Variants in TMEM130 observed in about 807,000 individuals in gnomAD.
TMEM130 encodes the protein transmembrane protein 130.
TMEM130 carries 37 observed loss-of-function variants against 42.9 expected under a neutral mutation model. The observed-to-expected ratio is 0.86, with a 90% CI of 0.66 to 1.13. TMEM130 has a LOEUF of 1.13. Ranked by LOEUF, TMEM130 falls within the 50% of genes most tolerant of loss-of-function variation. The pLI is 0.00. For missense variants in TMEM130, 545 were observed against 562.6 expected (o/e 0.97, Z 0.32); for synonymous variants, 259 against 237.7 (o/e 1.09, Z -0.82).
chr7:98,865,924 TC>T, intron 1 of TMEM130: 4 of 171,934 alleles, frequency 2.3e-5, no homozygotes, highest in South Asian at 2.6e-4. Context: ...GGGCACAAGG[TC>T]CCCCCACAAG....
chr7:98,852,843 C>T (rs1794542235), intron 5 of TMEM130, among the ~76,000 whole-genome samples: 1 of 152,162 alleles, frequency 6.6e-6, no homozygotes, highest in South Asian at 2.1e-4. Context: ...GTGATCCACC[C>T]ACCTCAGCCT....
rs1794732587 is a variant in TMEM130 at position 98,860,190 on chromosome 7, G to A, written c.540C>T (p.Asp180=). The A allele has an allele frequency of 6.2e-7, 1 of 1,613,276 alleles. No individual in the cohort carries two copies. The highest frequency in any genetic ancestry group is 2.2e-5 in the East Asian group (1 of 44,886). Residue 180 remains aspartate, a synonymous_variant, in exon 3 of 8, where the codon GAC becomes GAT. Transcript: ENST00000339375. ...LKTALFLYSW[D]FGDGTQMVTE... is the part of the protein sequence containing the mutation. ...GGGTAAGGACCTACCCGTCCCCGAA[G>A]TCCCAGCTGTAGAGAAACAAGGCGG...
chr7:98,854,971 G>T (rs1554398708), intron 5 of TMEM130, among the ~76,000 whole-genome samples: 1 of 152,216 alleles, frequency 6.6e-6, no homozygotes, highest in Non-Finnish European at 1.5e-5. Flanking sequence ...GGGAGGCAGA[G>T]GTCGCAGTGA....
Position 98,850,273 on chromosome 7 carries a change from A to ATT in TMEM130, c.1006+1146_1006+1147dup, listed in dbSNP as rs1554398023. On this transcript the variant is annotated intron_variant, in intron 6 of 7. Transcript: ENST00000339375. Reference sequence around the variant, plus strand: ...CTCATATATATATATATATATATATATTTTTTTTTTTTTTTAATTTTTTGA... The same window carrying ATT: ...CTCATATATATATATATATATATATATTTTTTTTTTTTTTTTTAATTTTTTGA... Among the ~76,000 whole-genome samples, 43 of 35,464 alleles carry ATT rather than the reference A, an allele frequency of 1.2e-3. 3 individuals carry two copies. Among genetic ancestry groups the ATT allele is most frequent in the African/African-American group, 2.8e-3 (37 of 13,118 alleles). The allele number at this position is 35,464 out of a possible 152,430, so 23.3% of individuals were successfully genotyped here. A position where few individuals can be genotyped will look rare whatever the true frequency, so the allele number is the denominator to read the frequency against.
chr7:98,848,941 A>T lies in TMEM130; in HGVS notation c.1007-246T>A, dbSNP rs556414967. Among the ~76,000 whole-genome samples, 69 of 152,290 alleles carry T rather than the reference A, an allele frequency of 4.5e-4. 1 individual carries two copies. The highest frequency in any genetic ancestry group is 4.1e-4 in the Non-Finnish European group (28 of 68,018). On this transcript the variant is annotated intron_variant, in intron 6 of 7. Transcript: ENST00000339375. Reference sequence around the variant, plus strand: ...AAGTTACTTGGTAGCAACTTCCAAGAGGGGCAGCTAAATTCCTCACACCTT... The same window carrying T: ...AAGTTACTTGGTAGCAACTTCCAAGTGGGGCAGCTAAATTCCTCACACCTT...
At chr7:98,867,599 G>A (rs536751931) in intron 1 of TMEM130, among the ~76,000 whole-genome samples, 65 of 152,252 alleles carry the variant, frequency 4.3e-4, no homozygotes, top group African/African-American at 1.1e-3. Context: ...CACGCAGATC[G>A]GTTGCCAGGG....
At chr7:98,860,113 G>T in intron 3 of TMEM130, 66 bp downstream of exon 3, 2 of 1,483,278 alleles carry the variant, frequency 1.3e-6, no homozygotes, top group Non-Finnish European at 1.8e-6. Flanking sequence ...GGAGTACCCT[G>T]CACAGTGCGC....
At chr7:98,865,387 C>T (rs1345018473) in intron 1 of TMEM130, among the ~76,000 whole-genome samples, 1 of 152,180 alleles carries the variant, frequency 6.6e-6, no homozygotes, top group Non-Finnish European at 1.5e-5. Context: ...GCGGGCGGAT[C>T]ACCTGAGGTC....
chr7:98,856,004 CCTGGA>C lies in TMEM130; in HGVS notation c.718+8_718+12del. 6.2e-7 allele frequency: 1 copy of C among 1,610,812 alleles called. No homozygotes were observed. The highest frequency in any genetic ancestry group is 1.3e-5 in the African/African-American group (1 of 75,048). Reference sequence around the variant, plus strand: ...GGAACGCCCAGACTGCATCAGCCTGCCTGGACACCCACCCTGCAGCTTCAGCGAGG... The same window carrying C: ...GGAACGCCCAGACTGCATCAGCCTGCCACCCACCCTGCAGCTTCAGCGAGG... On this transcript the variant is annotated splice_region_variant and intron_variant, in intron 4 of 7. Coordinates refer to ENST00000339375, the MANE Select transcript of TMEM130 (RefSeq NM_152913.3).
At chr7:98,862,339 G>A (rs1006244730) in intron 2 of TMEM130, among the ~76,000 whole-genome samples, 73 of 150,912 alleles carry the variant, frequency 4.8e-4, no homozygotes, top group South Asian at 4.2e-4. Flanking sequence ...AAGATAGAAA[G>A]GGAAAACAGA....
intron 5 of TMEM130, 60 bp from the exon 6 acceptor site, chr7:98,851,683 C>T: frequency 6.8e-7 from 1 of 1,476,074 alleles, no homozygotes; most frequent in Non-Finnish European, 9.1e-7. Flanking sequence ...CAGCACAGAC[C>T]AAGTCCAAGA....
chr7:98,863,676 C>T (rs1794840839), intron 1 of TMEM130, among the ~76,000 whole-genome samples: 1 of 146,238 alleles, frequency 6.8e-6, no homozygotes, highest in Non-Finnish European at 1.5e-5. Context: ...TCCCTCCTTC[C>T]TTCCTCCTTC....
intron 4 of TMEM130, 44 bp downstream of exon 4, chr7:98,855,973 C>T (rs782779579): frequency 1.9e-6 from 3 of 1,598,512 alleles, no homozygotes; most frequent in Non-Finnish European, 2.6e-6. Flanking sequence ...ACGGTGACCC[C>T]ACTCTGGAAC....
chr7:98,855,447 A>G (rs1248761858), intron 4 of TMEM130, 123 bp from the exon 5 acceptor site: 7 of 862,774 alleles, frequency 8.1e-6, no homozygotes, highest in Non-Finnish European at 1.2e-5. Flanking sequence ...AGAGCAGGCC[A>G]CAGGTCTGTG....
chr7:98,848,732 G>A, intron 6 of TMEM130, 37 bp from the exon 7 acceptor site: 1 of 1,366,332 alleles, frequency 7.3e-7, no homozygotes, highest in East Asian at 2.3e-5. Context: ...GGACTGGGTA[G>A]CTGGTACTAC....
chr7:98,867,153 C>T (rs1794929090), intron 1 of TMEM130, among the ~76,000 whole-genome samples: 1 of 152,092 alleles, frequency 6.6e-6, no homozygotes, highest in Non-Finnish European at 1.5e-5. Context: ...GAGAGCTGGT[C>T]ACTTCCAAGG....
chr7:98,860,895 A>T lies in TMEM130; in HGVS notation c.392-557T>A, dbSNP rs533678076. Among the ~76,000 whole-genome samples the T allele has an allele frequency of 4.0e-5, 6 of 148,978 alleles. No individual in the cohort carries two copies. In the South Asian group the frequency reaches 1.3e-3, roughly 32 times the overall value. On this transcript the variant is annotated intron_variant, in intron 2 of 7. Transcript: ENST00000339375. ...GAGGCGGAGGTTGCAGTGAGCCAAG[A>T]TCGCGCCACTGCACTCCAGCCTGGG...
rs1554398928 is a variant in TMEM130, at chr7:98,856,019, T to G, written c.716A>C (p.Gln239Pro). ...TGDFSASLKLQETLRGIQVLG... is the reference protein window; with the variant it reads ...TGDFSASLKLPETLRGIQVLG... ...CATCAGCCTGCCTGGACACCCACCC[T>G]GCAGCTTCAGCGAGGCGGAGAAGTC... is the stretch of plus-strand genomic sequence containing the variant. The change falls in exon 4 of 8, where the codon CAG becomes CCG. Residue 239 changes from glutamine to proline, a missense_variant and splice_region_variant. Physicochemically the swap from Gln to Pro is moderately conservative, Grantham distance 76. Coordinates refer to ENST00000339375, the MANE Select transcript of TMEM130 (RefSeq NM_152913.3). 1.2e-6 allele frequency: 2 copies of G among 1,612,384 alleles called. No individual in the cohort carries two copies. Among genetic ancestry groups the G allele is most frequent in the Admixed American group, 1.7e-5 (1 of 59,986 alleles).
chr7:98,863,807 TC>T (rs1424097034), intron 1 of TMEM130, among the ~76,000 whole-genome samples: 10 of 150,882 alleles, frequency 6.6e-5, no homozygotes, highest in African/African-American at 2.4e-4. Context: ...TCTTTCTTTC[TC>T]TTCTTTCTTT....
Sources: gnomAD v4.1 joint callset for allele counts (sites outside exome capture counted in the v4.1 genomes callset) on GRCh38, gnomAD v4.1.1 for gene constraint, MANE v1.5 for transcripts, NCBI Gene and HGNC (gene_info 2026-07-23, HGNC 2026-07-21) for gene names.